Variants in ZNF672 observed in about 807,000 individuals in gnomAD.
The protein encoded by ZNF672 is hypothetical protein FLJ22301.
For missense variants in ZNF672, 733 were observed against 701.1 expected (o/e 1.05, Z -0.51); for synonymous variants, 358 against 305.6 (o/e 1.17, Z -1.79).
At chr1:248,841,373 G>C (rs975117101) in intron 1 of ZNF672, among the ~76,000 whole-genome samples, 12 of 152,112 alleles carry the variant, frequency 7.9e-5, no homozygotes, top group African/African-American at 2.7e-4. Context: ...CTTCAATGTT[G>C]CCTGTGTCTC....
At chr1:248,839,800 G>T (rs1438373627) in intron 1 of ZNF672, among the ~76,000 whole-genome samples, 2 of 140,098 alleles carry the variant, frequency 1.4e-5, no homozygotes, top group Middle Eastern at 7.9e-3. Context: ...GTACAGTGGC[G>T]CGATCTCGGC....
chr1:248,848,216 C>T lies in ZNF672; in HGVS notation c.942C>T (p.Pro314=), dbSNP rs1483843274. ...IHTGEKPFAC[P]ECGRRFSDRS... ...CGGGCGAGAAGCCCTTCGCGTGCCC[C>T]GAGTGCGGCCGCCGCTTCAGCGACC... The change falls in exon 4 of 4, where the codon CCC becomes CCT. Residue 314 remains proline, a synonymous_variant. Coordinates refer to ENST00000306562, the MANE Select transcript of ZNF672 (RefSeq NM_024836.3). 7 of 1,599,398 alleles carry T rather than the reference C, an allele frequency of 4.4e-6. No individual in the cohort carries two copies. Among genetic ancestry groups the T allele is most frequent in the East Asian group, 2.2e-5 (1 of 44,448 alleles).
At position 248,847,600 on chromosome 1, in the gene ZNF672, C is replaced by T. The variant is rs1413091825; in HGVS notation, c.326C>T (p.Pro109Leu). 6.5e-6 allele frequency: 10 copies of T among 1,542,914 alleles called. No homozygotes were observed. The highest frequency in any genetic ancestry group is 1.4e-5 in the African/African-American group (1 of 73,236). Residue 109 changes from proline to leucine, a missense_variant, in exon 4 of 4, where the codon CCG becomes CTG. Pro to Leu is a moderately conservative substitution (Grantham distance 98, BLOSUM62 -3). Coordinates refer to ENST00000306562, the MANE Select transcript of ZNF672 (RefSeq NM_024836.3). Reference sequence around the variant, plus strand: ...TGCCGCACATGCGGCCGGCGCTTCCCGCACCTCCCGGCGCTGCTGCTACAC... The same window carrying T: ...TGCCGCACATGCGGCCGGCGCTTCCTGCACCTCCCGGCGCTGCTGCTACAC... Reference protein sequence around the residue: ...CPCRTCGRRFPHLPALLLHRR... With the variant: ...CPCRTCGRRFLHLPALLLHRR...
At position 248,847,073 on chromosome 1, in the gene ZNF672, T is replaced by C; in HGVS notation, c.-202T>C. On this transcript the variant is annotated 5_prime_UTR_variant, in exon 4 of 4. Transcript: ENST00000306562. ...ACAGGCTCACGGTGCAGGGTGAACCTGGCCACAGCTCACCCTGGAACAGCC... is the reference window on the plus strand; with the variant it reads ...ACAGGCTCACGGTGCAGGGTGAACCCGGCCACAGCTCACCCTGGAACAGCC... 1.5e-6 allele frequency: 1 copy of C among 667,558 alleles called. No homozygotes were observed. The highest frequency in any genetic ancestry group is 2.0e-5 in the South Asian group (1 of 50,436). The allele number at this position is 667,558 out of a possible 1,614,324, so 41.4% of individuals were successfully genotyped here. A position where few individuals can be genotyped will look rare whatever the true frequency, so the allele number is the denominator to read the frequency against.
intron 3 of ZNF672, among the ~76,000 whole-genome samples, chr1:248,846,583 T>A (rs371478451): frequency 2.0e-5 from 3 of 152,360 alleles, no homozygotes; most frequent in Non-Finnish European, 2.9e-5. Flanking sequence ...TTACCCGCTT[T>A]GTTCTTCCAG....
At chr1:248,839,274 T>C (rs1664630738) in intron 1 of ZNF672, 1 of 152,726 alleles carries the variant, frequency 6.5e-6, no homozygotes, top group South Asian at 2.1e-4. Context: ...TGAAAACGGC[T>C]GCAGACCGTT....
At position 248,848,146 on chromosome 1, in the gene ZNF672, G is replaced by T; in HGVS notation, c.872G>T (p.Gly291Val). The change falls in exon 4 of 4, where the codon GGT becomes GTT. Residue 291 changes from glycine (G) to valine (V), a missense_variant. By Grantham distance (109) the Gly-to-Val change is moderately radical. Coordinates refer to ENST00000306562, the MANE Select transcript of ZNF672 (RefSeq NM_024836.3). ...RPHACATCGKGFGQRSDLVVH... is the reference protein window; with the variant it reads ...RPHACATCGKVFGQRSDLVVH... ...CATGCGTGCGCCACTTGCGGCAAGG[G>T]TTTCGGGCAGCGCTCCGACCTGGTG... 1 of 1,582,808 alleles carries T rather than the reference G, an allele frequency of 6.3e-7. No individual in the cohort carries two copies. The highest frequency in any genetic ancestry group is 8.6e-7 in the Non-Finnish European group (1 of 1,168,982).
rs1168501294 is a variant in ZNF672, at chr1:248,838,253, G to T, written c.-773G>T. On this transcript the variant is annotated 5_prime_UTR_variant, in exon 1 of 4. Transcript: ENST00000306562. Reference sequence around the variant, plus strand: ...CCGCCTGCTTCCCGGCTCCAGCTGGGGCCGGAGAGGCTGAGTGGTTGGTAC... The same window carrying T: ...CCGCCTGCTTCCCGGCTCCAGCTGGTGCCGGAGAGGCTGAGTGGTTGGTAC... The T allele has an allele frequency of 6.6e-6, 1 of 152,354 alleles. No homozygotes were observed. Among genetic ancestry groups the T allele is most frequent in the Non-Finnish European group, 1.5e-5 (1 of 68,142 alleles). 9.4% of individuals were successfully genotyped at this position (152,354 alleles called of 1,614,324 possible).
Position 248,847,595 on chromosome 1 carries a change from CT to C in ZNF672, c.323del (p.Phe108SerfsTer107), listed in dbSNP as rs1659192279. 1 of 1,548,188 alleles carries C rather than the reference CT, an allele frequency of 6.5e-7. No individual in the cohort carries two copies. On this transcript the variant is annotated frameshift_variant, in exon 4 of 4. Transcript: ENST00000306562. LOFTEE classifies it low-confidence loss of function (END_TRUNC). ...GCCCCTGCCGCACATGCGGCCGGCG[CT>C]TCCCGCACCTCCCGGCGCTGCTGCT... ...TCPCRTCGRR[F>X]PHLPALLLHR...
In ZNF672 at chr1:248,847,594, G is replaced by A. The variant is rs1422496580; in HGVS notation, c.320G>A (p.Arg107His). Residue 107 changes from arginine to histidine, a missense_variant, in exon 4 of 4, where the codon CGC becomes CAC. Physicochemically the swap from Arg to His is conservative, Grantham distance 29. Transcript: ENST00000306562. ...TGCCCCTGCCGCACATGCGGCCGGC[G>A]CTTCCCGCACCTCCCGGCGCTGCTG... ...RTCPCRTCGR[R>H]FPHLPALLLH... 9 of 1,550,590 alleles carry A rather than the reference G, an allele frequency of 5.8e-6. No homozygotes were observed. Among genetic ancestry groups the A allele is most frequent in the African/African-American group, 1.4e-5 (1 of 73,436 alleles).
chr1:248,846,235 AATT>A (rs1664759073), intron 3 of ZNF672, among the ~76,000 whole-genome samples: 1 of 152,212 alleles, frequency 6.6e-6, no homozygotes, highest in South Asian at 2.1e-4. Context: ...ATATCCTGAC[AATT>A]ATTATAGAAT....
Position 248,847,089 on chromosome 1 carries a change from T to A in ZNF672, c.-186T>A, listed in dbSNP as rs1664772616. 2 of 777,294 alleles carry A rather than the reference T, an allele frequency of 2.6e-6. No individual in the cohort carries two copies. Among genetic ancestry groups the A allele is most frequent in the Non-Finnish European group, 2.0e-6 (1 of 499,790 alleles). 48.1% of individuals were successfully genotyped at this position (777,294 alleles called of 1,614,324 possible). The stretch of plus-strand genomic sequence containing the variant: ...GGGTGAACCTGGCCACAGCTCACCC[T>A]GGAACAGCCACAATGTCTGCCCCTT... On this transcript the variant is annotated 5_prime_UTR_variant, in exon 4 of 4. Coordinates refer to ENST00000306562, the MANE Select transcript of ZNF672 (RefSeq NM_024836.3).
rs528830996 is a variant in ZNF672 at position 248,848,423 on chromosome 1, A to T, written c.1149A>T (p.Ala383=). The T allele has an allele frequency of 6.2e-7, 1 of 1,606,706 alleles. No homozygotes were observed. The highest frequency in any genetic ancestry group is 1.1e-5 in the South Asian group (1 of 91,058). Residue 383 remains alanine, a synonymous_variant, in exon 4 of 4, where the codon GCA becomes GCT. Transcript: ENST00000306562. Reference sequence around the variant, plus strand: ...CCTTCAGCGTCGCCTCCAAGCTTGCACTGCACCGCAAGACGCACCTGGGCG... The same window carrying T: ...CCTTCAGCGTCGCCTCCAAGCTTGCTCTGCACCGCAAGACGCACCTGGGCG... ...SKAFSVASKL[A]LHRKTHLGER...
In ZNF672 at chr1:248,844,655, C is replaced by T. The variant is rs757109007; in HGVS notation, c.-321+19C>T. ...GGAAATGGTATTGTTGTTTATATGC[C>T]GTTTAAGTCTACACGTTGGTATTTG... On this transcript the variant is annotated intron_variant, in intron 2 of 3. Coordinates refer to ENST00000306562, the MANE Select transcript of ZNF672 (RefSeq NM_024836.3). 1 of 152,232 alleles carries T rather than the reference C, an allele frequency of 6.6e-6. No homozygotes were observed. The highest frequency in any genetic ancestry group is 1.5e-5 in the Non-Finnish European group (1 of 68,054). 9.4% of individuals were successfully genotyped at this position (152,232 alleles called of 1,614,324 possible). A position where few individuals can be genotyped will look rare whatever the true frequency, so the allele number is the denominator to read the frequency against.
chr1:248,848,007 C>A lies in ZNF672; in HGVS notation c.733C>A (p.His245Asn). The change falls in exon 4 of 4, where the codon CAC becomes AAC. Residue 245 changes from histidine (H) to asparagine (N), a missense_variant. Physicochemically the swap from His to Asn is moderately conservative, Grantham distance 68 (BLOSUM62 1). Transcript: ENST00000306562. ...CCTGGAGAGCGCCACGCTGGTGCGC[C>A]ACCAGCGCACACACACGGGCGAGAA... is the stretch of plus-strand genomic sequence containing the variant. ...GFLESATLVR[H>N]QRTHTGEKPY... 1 of 1,556,112 alleles carries A rather than the reference C, an allele frequency of 6.4e-7. No individual in the cohort carries two copies.
At position 248,847,558 on chromosome 1, in the gene ZNF672, G is replaced by A; in HGVS notation, c.284G>A (p.Arg95Gln). The A allele has an allele frequency of 6.3e-7, 1 of 1,583,642 alleles. No homozygotes were observed. The highest frequency in any genetic ancestry group is 2.3e-5 in the East Asian group (1 of 42,958). ...LDLHLGAHRQ[R>Q]CRTCPCRTCG... The stretch of plus-strand genomic sequence containing the variant: ...CTACACTTGGGCGCACACCGGCAGC[G>A]ATGCCGCACTTGCCCCTGCCGCACA... Residue 95 changes from arginine to glutamine, a missense_variant, in exon 4 of 4, where the codon CGA (arginine) becomes CAA (glutamine). Arg to Gln is a conservative substitution (Grantham distance 43, BLOSUM62 1). Transcript: ENST00000306562.
At chr1:248,839,834 C>T (rs1170038846) in intron 1 of ZNF672, among the ~76,000 whole-genome samples, 2 of 140,424 alleles carry the variant, frequency 1.4e-5, no homozygotes, top group South Asian at 4.6e-4. Flanking sequence ...CGCCTCCTGG[C>T]CTCAAGTGAT....
chr1:248,846,704 C>T (rs1176853928), intron 3 of ZNF672, among the ~76,000 whole-genome samples: 1 of 152,214 alleles, frequency 6.6e-6, no homozygotes, highest in Non-Finnish European at 1.5e-5. Flanking sequence ...CTGCCTTGGT[C>T]ATTTCCTAAT....
chr1:248,848,429 C>T lies in ZNF672; in HGVS notation c.1155C>T (p.His385=), dbSNP rs778164749. 1.1e-5 allele frequency: 17 copies of T among 1,606,860 alleles called. No individual in the cohort carries two copies. The Admixed American group carries it at 2.8e-4, about 27-fold the overall frequency. ...GCGTCGCCTCCAAGCTTGCACTGCA[C>T]CGCAAGACGCACCTGGGCGAACGGC... ...AFSVASKLAL[H]RKTHLGERPA... The change falls in exon 4 of 4, where the codon CAC becomes CAT. Residue 385 remains histidine, a synonymous_variant. Transcript: ENST00000306562.
Sources: gnomAD v4.1 joint callset for allele counts (sites outside exome capture counted in the v4.1 genomes callset) on GRCh38, gnomAD v4.1.1 for gene constraint, MANE v1.5 for transcripts, NCBI Gene and HGNC (gene_info 2026-07-23, HGNC 2026-07-21) for gene names.